ILDR1: variants seen among roughly 807,000 people sequenced by gnomAD.
ILDR1 encodes the protein immunoglobulin-like domain-containing receptor 1.
In ILDR1, 56 loss-of-function variants were observed where a neutral mutation model predicts 62.4. The ratio of observed to expected loss-of-function variants is 0.90; its 90% CI spans 0.72 to 1.12. The LOEUF (loss-of-function observed/expected upper bound fraction) is 1.12, where lower values mean the gene tolerates loss of function less well. Among genes scored for constraint, ILDR1 ranks in the 50% most tolerant of loss-of-function variants. ILDR1 has a pLI of 0.00. For synonymous variants in ILDR1, 284 were observed against 277.8 expected (o/e 1.02, Z -0.22); for missense variants, 736 against 710.6 (o/e 1.04, Z -0.41).
At chr3:122,031,617 G>T in the ILDR1 span, among the ~76,000 whole-genome samples, 1 of 152,102 alleles carries the variant, frequency 6.6e-6, no homozygotes, top group Non-Finnish European at 1.5e-5. Flanking sequence ...TGGGATTAGT[G>T]CCCTTATAAG....
chr3:122,047,044 G>T, the ILDR1 span, among the ~76,000 whole-genome samples: 2 of 145,008 alleles, frequency 1.4e-5, no homozygotes, highest in African/African-American at 2.6e-5. Context: ...CCCCATCTTT[G>T]TGGTTTTATC....
chr3:122,001,584 C>G, intron 4 of ILDR1, 130 bp from the exon 5 acceptor site: 1 of 1,472,388 alleles, frequency 6.8e-7, no homozygotes, highest in Non-Finnish European at 9.5e-7. Context: ...AATATACTGG[C>G]AAAAAGGTAA....
At chr3:121,989,803 CCTAT>C (rs1272176007) in intron 7 of ILDR1, among the ~76,000 whole-genome samples, 3 of 152,158 alleles carry the variant, frequency 2.0e-5, no homozygotes, top group Admixed American at 6.5e-5. Context: ...ACATATCGTT[CCTAT>C]CTATTTCAGG....
At chr3:122,022,359 T>A (rs2071874743), upstream of ILDR1, 1 of 367,734 alleles carries the variant, frequency 2.7e-6, no homozygotes, top group Non-Finnish European at 4.9e-6. Context: ...CCCTACCTGC[T>A]GCCGCCTCCT....
chr3:122,052,567 G>T, the ILDR1 span, among the ~76,000 whole-genome samples: 1 of 152,116 alleles, frequency 6.6e-6, no homozygotes, highest in Non-Finnish European at 1.5e-5. Context: ...TCAGAACTTT[G>T]GTTTTTTGTT....
At chr3:121,994,837 T>C (rs2071413155) in intron 5 of ILDR1, among the ~76,000 whole-genome samples, 1 of 152,194 alleles carries the variant, frequency 6.6e-6, no homozygotes, top group Non-Finnish European at 1.5e-5. Context: ...AGAGTATTTC[T>C]AGCTGGCATG....
chr3:122,055,266 C>T, the ILDR1 span: 1 of 526,946 alleles, frequency 1.9e-6, no homozygotes, highest in African/African-American at 1.9e-5. Flanking sequence ...GTTTAAACTG[C>T]AAGGAAAGGG....
chr3:122,050,484 A>G, the ILDR1 span, among the ~76,000 whole-genome samples: 1 of 152,010 alleles, frequency 6.6e-6, no homozygotes, highest in Non-Finnish European at 1.5e-5. Context: ...TATAGATATA[A>G]CTATCTTTTT....
At chr3:122,026,349 G>C (rs538058114), upstream of ILDR1, among the ~76,000 whole-genome samples, 1 of 152,192 alleles carries the variant, frequency 6.6e-6, no homozygotes, top group Non-Finnish European at 1.5e-5. Context: ...TCAATAACTG[G>C]TGTTGGAAAT....
At chr3:121,998,831 A>G (rs2071475364) in intron 5 of ILDR1, among the ~76,000 whole-genome samples, 2 of 152,106 alleles carry the variant, frequency 1.3e-5, no homozygotes, top group Admixed American at 6.5e-5. Flanking sequence ...GTCTTAGCCA[A>G]TCCCACAGTG....
At chr3:122,044,774 C>G in the ILDR1 span, among the ~76,000 whole-genome samples, 1 of 152,102 alleles carries the variant, frequency 6.6e-6, no homozygotes, top group Non-Finnish European at 1.5e-5. Flanking sequence ...TCCCCTTTAT[C>G]ATTTTTTATT....
chr3:122,004,345 G>A (rs891155340), intron 3 of ILDR1, among the ~76,000 whole-genome samples: 1 of 152,220 alleles, frequency 6.6e-6, no homozygotes, highest in Admixed American at 6.5e-5. Flanking sequence ...AGTACACGGA[G>A]TGATAACTAA....
the ILDR1 span, among the ~76,000 whole-genome samples, chr3:122,055,191 G>A: frequency 6.6e-5 from 10 of 152,150 alleles, no homozygotes; most frequent in Middle Eastern, 3.4e-3. Flanking sequence ...TCATCTTAAC[G>A]TCATGTCTGG....
chr3:122,006,160 G>A (rs1194728608), intron 2 of ILDR1, among the ~76,000 whole-genome samples: 2 of 152,170 alleles, frequency 1.3e-5, no homozygotes, highest in African/African-American at 4.8e-5. Context: ...ATCATATTGT[G>A]AGACATTAGC....
rs3749201 is a variant in ILDR1 at position 121,989,767 on chromosome 3, C to G, written c.1600-1359G>C. 3.9e-4 allele frequency among the ~76,000 whole-genome samples: 60 copies of G among 152,268 alleles called. No individual in the cohort carries two copies. In the East Asian group the frequency reaches 7.0e-3, roughly 18 times the overall value. ...TGGGTGGAAGATCCCTCAATATAAC[C>G]TCCATTTTCTCATGGGCACTGTGTA... On this transcript the variant is annotated intron_variant, in intron 7 of 7. Coordinates refer to ENST00000344209, the MANE Select transcript of ILDR1 (RefSeq NM_001199799.2).
the ILDR1 span, among the ~76,000 whole-genome samples, chr3:122,030,074 C>G: frequency 0.033 from 5,075 of 152,254 alleles, 265 homozygotes; most frequent in African/African-American, 0.12. Context: ...TTGCTAGGAT[C>G]CACCCATTCT....
Position 122,007,146 on chromosome 3 carries a change from A to T in ILDR1, c.74T>A (p.Leu25His), listed in dbSNP as rs747420907. 6.2e-7 allele frequency: 1 copy of T among 1,614,204 alleles called. No individual in the cohort carries two copies. Among genetic ancestry groups the T allele is most frequent in the Non-Finnish European group, 8.5e-7 (1 of 1,180,040 alleles). The change falls in exon 2 of 8, where the codon CTT becomes CAT. Residue 25 changes from leucine (L) to histidine (H), a missense_variant. Coordinates refer to ENST00000344209, the MANE Select transcript of ILDR1 (RefSeq NM_001199799.2). ...TWLPAGCLSLLVTVQHTERYV... is the reference protein window; with the variant it reads ...TWLPAGCLSLHVTVQHTERYV... ...GCGTTCTGTGTGCTGGACCGTCACA[A>T]GCAAGGACAGGCACCCTAAAGCCAA...
the ILDR1 span, among the ~76,000 whole-genome samples, chr3:122,057,681 TTG>T: frequency 2.6e-5 from 4 of 152,238 alleles, no homozygotes; most frequent in Non-Finnish European, 5.9e-5. Flanking sequence ...AATTTATAAG[TTG>T]TGAGATTCCA....
the ILDR1 span, among the ~76,000 whole-genome samples, chr3:122,028,335 CAAAAAAAAAAAA>C: frequency 2.2e-4 from 21 of 95,512 alleles, no homozygotes; most frequent in Admixed American, 2.5e-3. Flanking sequence ...GACTCCATCT[CAAAAAAAAAAAA>C]AAAAAAAAAG....
Sources: allele counts gnomAD v4.1 joint callset (sites outside exome capture counted in the v4.1 genomes callset), GRCh38; gene constraint gnomAD v4.1.1; transcripts MANE v1.5; gene names NCBI Gene and HGNC (gene_info 2026-07-23, HGNC 2026-07-21).